ALDH1A1: variants seen among roughly 807,000 people sequenced by gnomAD.
ALDH1A1 encodes aldehyde dehydrogenase 1A1.
In ALDH1A1, 19 loss-of-function variants were observed where a neutral mutation model predicts 62.1. The observed-to-expected ratio is 0.31, with a 90% CI of 0.21 to 0.45. The LOEUF is 0.45. ALDH1A1 is among the 20% of genes least tolerant of loss of function. ALDH1A1 has a pLI of 1.00. For missense variants in ALDH1A1, 521 were observed against 607.1 expected (o/e 0.86, Z 1.49); for synonymous variants, 231 against 215.9 (o/e 1.07, Z -0.61).
intron 12 of ALDH1A1, among the ~76,000 whole-genome samples, chr9:72,902,946 C>G (rs1317204659): frequency 1.3e-5 from 2 of 151,336 alleles, no homozygotes; most frequent in Admixed American, 1.3e-4. Flanking sequence ...ACCTATGCTT[C>G]TTGTCCAGGG....
intron 6 of ALDH1A1, 146 bp from the exon 7 acceptor site, chr9:72,924,278 T>C: frequency 1.7e-6 from 1 of 575,574 alleles, no homozygotes; most frequent in East Asian, 3.0e-5. Flanking sequence ...TTCTTTAGTC[T>C]TATTATGTCA....
intron 10 of ALDH1A1, 37 bp from the exon 11 acceptor site, chr9:72,909,796 T>G (rs757863138): frequency 6.6e-7 from 1 of 1,517,406 alleles, no homozygotes; most frequent in East Asian, 2.3e-5. Context: ...AAATAATAGG[T>G]TAAAATGAAA....
chr9:72,922,228 T>C (rs1034647466), intron 7 of ALDH1A1, among the ~76,000 whole-genome samples: 3 of 152,186 alleles, frequency 2.0e-5, no homozygotes, highest in African/African-American at 7.2e-5. Flanking sequence ...ACTCAGTAAA[T>C]TTGATCTCAT....
At chr9:72,911,757 T>C (rs886768573) in intron 10 of ALDH1A1, among the ~76,000 whole-genome samples, 2 of 152,222 alleles carry the variant, frequency 1.3e-5, no homozygotes, top group Non-Finnish European at 2.9e-5. Context: ...GGCTGAACAT[T>C]TGTGGCTGGC....
intron 7 of ALDH1A1, among the ~76,000 whole-genome samples, chr9:72,922,453 C>T (rs1419094169): frequency 6.6e-6 from 1 of 152,106 alleles, no homozygotes; most frequent in East Asian, 1.9e-4. Flanking sequence ...GATCAGCAAA[C>T]AGTAGCTCCT....
chr9:72,936,891 A>T (rs1301390350), intron 2 of ALDH1A1, among the ~76,000 whole-genome samples: 2 of 152,122 alleles, frequency 1.3e-5, no homozygotes, highest in Non-Finnish European at 2.9e-5. Flanking sequence ...GTGGTTCAAG[A>T]TGCATTCCCT....
intron 6 of ALDH1A1, among the ~76,000 whole-genome samples, chr9:72,924,842 T>A (rs1180742640): frequency 6.6e-6 from 1 of 152,234 alleles, no homozygotes; most frequent in East Asian, 1.9e-4. Context: ...TAACATTTAT[T>A]TTTTAAGATT....
intron 12 of ALDH1A1, among the ~76,000 whole-genome samples, chr9:72,903,676 A>G (rs1300460010): frequency 6.7e-6 from 1 of 150,360 alleles, no homozygotes; most frequent in African/African-American, 2.4e-5. Flanking sequence ...CATGTTCTAG[A>G]TTTTTAGGAA....
At position 72,908,510 on chromosome 9, in the gene ALDH1A1, A is replaced by T. The variant is rs1301098534; in HGVS notation, c.1358+1092T>A. On this transcript the variant is annotated intron_variant, in intron 11 of 12. Coordinates refer to ENST00000297785, the MANE Select transcript of ALDH1A1 (RefSeq NM_000689.5). ...AGAGAAAGAGAGAGAGAGAGACGAA[A>T]GAAAGAAAGAAAGAAAGAAAGAAAG... Among the ~76,000 whole-genome samples the T allele has an allele frequency of 3.1e-3, 34 of 11,014 alleles. 2 individuals carry two copies. Among genetic ancestry groups the T allele is most frequent in the Admixed American group, 5.1e-3 (3 of 592 alleles). The allele number at this position is 11,014 out of a possible 152,430, so 7.2% of individuals were successfully genotyped here.
At chr9:72,926,990 A>C (rs765389603) in intron 5 of ALDH1A1, 126 bp downstream of exon 5, 293 of 705,786 alleles carry the variant, frequency 4.2e-4, no homozygotes, top group Non-Finnish European at 6.5e-4. Flanking sequence ...AAGTTCAACA[A>C]ATCTTACATT....
intron 9 of ALDH1A1, among the ~76,000 whole-genome samples, chr9:72,914,105 G>C (rs566133749): frequency 3.3e-5 from 5 of 152,258 alleles, no homozygotes; most frequent in Admixed American, 6.5e-5. Context: ...AATGTATTAG[G>C]TAGGTCATGA....
chr9:72,905,965 T>G lies in ALDH1A1; in HGVS notation c.1426A>C (p.Arg476=). 1 of 1,608,200 alleles carries G rather than the reference T, an allele frequency of 6.2e-7. No individual in the cohort carries two copies. The change falls in exon 12 of 13, where the codon AGA becomes CGA. Residue 476 remains arginine (R), a synonymous_variant. Coordinates refer to ENST00000297785, the MANE Select transcript of ALDH1A1 (RefSeq NM_000689.5). ...ATAGAACGTTAATCTTACAGTTCTC[T>G]TCCATTTCCAGACATCTTGAATCCA... ...FGGFKMSGNG[R]ELGEYGFHEY...
intron 10 of ALDH1A1, among the ~76,000 whole-genome samples, chr9:72,910,596 G>C (rs1829970219): frequency 1.3e-5 from 2 of 152,124 alleles, no homozygotes; most frequent in South Asian, 4.1e-4. Flanking sequence ...TCAGGTAAAA[G>C]AAAGACAACT....
intron 5 of ALDH1A1, among the ~76,000 whole-genome samples, chr9:72,926,146 G>T (rs1393224706): frequency 6.6e-6 from 1 of 152,138 alleles, no homozygotes; most frequent in African/African-American, 2.4e-5. Context: ...CTCTGTATCT[G>T]ATTTCATAAT....
chr9:72,940,313 T>C, intron 1 of ALDH1A1, 61 bp from the exon 2 acceptor site: 1 of 1,217,954 alleles, frequency 8.2e-7, no homozygotes, highest in Non-Finnish European at 1.2e-6. Context: ...TTTTGGAAGT[T>C]TTCATAAACT....
intron 3 of ALDH1A1, among the ~76,000 whole-genome samples, chr9:72,929,580 T>C (rs1345807446): frequency 6.6e-6 from 1 of 152,242 alleles, no homozygotes; most frequent in Non-Finnish European, 1.5e-5. Context: ...ATTGTCATAA[T>C]TGCCGTTTTA....
intron 10 of ALDH1A1, among the ~76,000 whole-genome samples, chr9:72,910,670 A>T (rs753958503): frequency 3.3e-5 from 5 of 152,150 alleles, no homozygotes; most frequent in African/African-American, 4.8e-5. Context: ...TCAGATAAAG[A>T]TTCCTGAAAT....
intron 4 of ALDH1A1, 103 bp from the exon 5 acceptor site, chr9:72,927,280 A>G (rs564067033): frequency 1.2e-6 from 1 of 824,330 alleles, no homozygotes; most frequent in African/African-American, 1.7e-5. Context: ...TAATTTTAAA[A>G]ACATATATCT....
Position 72,926,987 on chromosome 9 carries a change from A to G in ALDH1A1, c.504+129T>C, listed in dbSNP as rs568972666. 3 of 690,298 alleles carry G rather than the reference A, an allele frequency of 4.3e-6. No individual in the cohort carries two copies. In the African/African-American group the frequency reaches 5.4e-5, roughly 12 times the overall value. 42.8% of individuals were successfully genotyped at this position (690,298 alleles called of 1,614,324 possible). ...TTTAGTCACAGGGAGACCAAGTTCA[A>G]CAAATCTTACATTTACTCCACATTT... On this transcript the variant is annotated intron_variant, in intron 5 of 12. Coordinates refer to ENST00000297785, the MANE Select transcript of ALDH1A1 (RefSeq NM_000689.5).
Sources: gnomAD v4.1 joint callset for allele counts (sites outside exome capture counted in the v4.1 genomes callset) on GRCh38, gnomAD v4.1.1 for gene constraint, MANE v1.5 for transcripts, NCBI Gene and HGNC (gene_info 2026-07-23, HGNC 2026-07-21) for gene names.